Variants in STK31 observed in about 807,000 individuals in gnomAD.
The protein encoded by STK31 is serine/threonine-protein kinase 31.
A neutral mutation model predicts 129.7 loss-of-function variants in STK31; 89 were observed. That is an observed-to-expected ratio of 0.69 (90% CI 0.58 to 0.82). STK31 has a LOEUF of 0.82. Among genes scored for constraint, STK31 ranks in the 40% least tolerant of loss-of-function variants. The probability of loss-of-function intolerance (pLI) is 0.00; values close to 1 mark genes in which losing one functional copy is unlikely to be tolerated. For missense variants in STK31, 1,187 were observed against 1,176.4 expected (o/e 1.01, Z -0.13); for synonymous variants, 448 against 395.3 (o/e 1.13, Z -1.58).
At chr7:23,743,103 C>T (rs551849358) in intron 8 of STK31, among the ~76,000 whole-genome samples, 2 of 152,120 alleles carry the variant, frequency 1.3e-5, no homozygotes, top group Admixed American at 1.3e-4. Flanking sequence ...TAAGGACCTG[C>T]CACCATGCCC....
At chr7:23,781,126 T>C (rs566471835) in intron 15 of STK31, among the ~76,000 whole-genome samples, 1 of 152,368 alleles carries the variant, frequency 6.6e-6, no homozygotes, top group South Asian at 2.1e-4. Context: ...CGAATGGCAG[T>C]TGGCCATCTT....
intron 4 of STK31, among the ~76,000 whole-genome samples, chr7:23,724,544 T>C (rs1472866267): frequency 6.6e-6 from 1 of 152,238 alleles, no homozygotes; most frequent in African/African-American, 2.4e-5. Context: ...TCACCTGGTT[T>C]GCAATAAACC....
chr7:23,827,002 C>G (rs1164091027), intron 23 of STK31, among the ~76,000 whole-genome samples: 1 of 152,124 alleles, frequency 6.6e-6, no homozygotes, highest in Non-Finnish European at 1.5e-5. Flanking sequence ...GGTTACCCGA[C>G]CTTTCTAAAC....
chr7:23,782,757 A>C (rs1791016837), intron 16 of STK31, among the ~76,000 whole-genome samples: 1 of 152,104 alleles, frequency 6.6e-6, no homozygotes, highest in Admixed American at 6.6e-5. Flanking sequence ...AGGCTTTAAA[A>C]ATTTTTCTTA....
At chr7:23,773,312 G>T (rs1254209036) in intron 15 of STK31, among the ~76,000 whole-genome samples, 7 of 152,054 alleles carry the variant, frequency 4.6e-5, no homozygotes, top group Non-Finnish European at 1.0e-4. Flanking sequence ...CTGTTCCTGT[G>T]TTAGTTTGCT....
chr7:23,782,243 C>A (rs565122610), intron 16 of STK31, among the ~76,000 whole-genome samples: 1 of 151,868 alleles, frequency 6.6e-6, no homozygotes, highest in Non-Finnish European at 1.5e-5. Flanking sequence ...GAGGCCGAGG[C>A]GGGCGGATCA....
At chr7:23,796,951 A>G (rs1792000769) in intron 22 of STK31, among the ~76,000 whole-genome samples, 1 of 152,040 alleles carries the variant, frequency 6.6e-6, no homozygotes, top group African/African-American at 2.4e-5. Flanking sequence ...AAAAAAAAGC[A>G]GGGATTGCAA....
intron 4 of STK31, among the ~76,000 whole-genome samples, chr7:23,720,708 G>C (rs1294060961): frequency 6.6e-6 from 1 of 152,042 alleles, no homozygotes; most frequent in Non-Finnish European, 1.5e-5. Context: ...ATGTCTTCTG[G>C]CAAGAGATTC....
intron 22 of STK31, among the ~76,000 whole-genome samples, chr7:23,800,922 G>A (rs1792326912): frequency 1.3e-5 from 2 of 152,022 alleles, no homozygotes; most frequent in South Asian, 4.1e-4. Context: ...ATAGTGCTCT[G>A]TTGTATGTAC....
At chr7:23,808,636 G>T (rs1037651768) in intron 22 of STK31, among the ~76,000 whole-genome samples, 5 of 152,084 alleles carry the variant, frequency 3.3e-5, no homozygotes, top group Non-Finnish European at 7.4e-5. Flanking sequence ...AGCTAGTGCT[G>T]TTTCTCACTG....
intron 22 of STK31, among the ~76,000 whole-genome samples, chr7:23,792,557 T>G (rs1156826536): frequency 6.6e-6 from 1 of 152,214 alleles, no homozygotes; most frequent in Non-Finnish European, 1.5e-5. Context: ...TTCGATGCAA[T>G]TTCAACAAAA....
rs1233320919 is a variant in STK31, at chr7:23,785,470, G to C, written c.2149-8G>C. On this transcript the variant is annotated splice_polypyrimidine_tract_variant and splice_region_variant and intron_variant, in intron 17 of 23. Transcript: ENST00000355870. The stretch of plus-strand genomic sequence containing the variant: ...GATTCTTTAACTGTGATAAAAACTT[G>C]TGCCTAGAACTCTGGTGGTCTCCTT... The C allele has an allele frequency of 3.7e-6, 6 of 1,610,772 alleles. No individual in the cohort carries two copies. In the African/African-American group the frequency reaches 6.7e-5, roughly 18 times the overall value.
chr7:23,804,229 A>G (rs1792553779), intron 22 of STK31, among the ~76,000 whole-genome samples: 1 of 152,024 alleles, frequency 6.6e-6, no homozygotes, highest in Non-Finnish European at 1.5e-5. Context: ...CCTTTTATTT[A>G]TTCAGAGACA....
intron 6 of STK31, among the ~76,000 whole-genome samples, chr7:23,733,822 T>C (rs541904205): frequency 6.7e-6 from 1 of 148,370 alleles, no homozygotes; most frequent in African/African-American, 2.5e-5. Flanking sequence ...AATAAAAAAA[T>C]AAAAAAAAAA....
chr7:23,775,759 A>G (rs1007444431), intron 15 of STK31, among the ~76,000 whole-genome samples: 2 of 152,208 alleles, frequency 1.3e-5, no homozygotes, highest in African/African-American at 4.8e-5. Context: ...TAAATATACA[A>G]TCATGTCATC....
At chr7:23,827,267 C>T (rs1794220146) in intron 23 of STK31, among the ~76,000 whole-genome samples, 1 of 152,208 alleles carries the variant, frequency 6.6e-6, no homozygotes, top group South Asian at 2.1e-4. Context: ...TTCACGTAGT[C>T]CCATATTTCT....
intron 11 of STK31, among the ~76,000 whole-genome samples, chr7:23,767,824 G>A (rs1428415403): frequency 6.6e-6 from 1 of 152,002 alleles, no homozygotes; most frequent in African/African-American, 2.4e-5. Context: ...TCACTTGTAG[G>A]GACTTTGTTA....
At chr7:23,766,712 A>T (rs1789851807) in intron 11 of STK31, among the ~76,000 whole-genome samples, 1 of 152,114 alleles carries the variant, frequency 6.6e-6, no homozygotes, top group African/African-American at 2.4e-5. Flanking sequence ...GAGGTTTTAT[A>T]TATTTCTTTA....
intron 6 of STK31, among the ~76,000 whole-genome samples, chr7:23,730,387 A>G (rs567839644): frequency 2.6e-5 from 4 of 152,308 alleles, no homozygotes; most frequent in East Asian, 1.9e-4. Flanking sequence ...ATTTCTGTAC[A>G]TGAAACTCAG....
Sources: gnomAD v4.1 joint callset for allele counts (sites outside exome capture counted in the v4.1 genomes callset) on GRCh38, gnomAD v4.1.1 for gene constraint, MANE v1.5 for transcripts, NCBI Gene and HGNC (gene_info 2026-07-23, HGNC 2026-07-21) for gene names.